The following NEB variants were observed in gnomAD, a reference collection of about 807,000 sequenced individuals.
The protein encoded by NEB is nebulin, also known as nemaline myopathy type 2.
In NEB, 512 loss-of-function variants were observed where a neutral mutation model predicts 952.2. That is an observed-to-expected ratio of 0.54 (90% CI 0.50 to 0.58). NEB has a LOEUF of 0.58. NEB is among the 20% of genes least tolerant of loss of function. The probability of loss-of-function intolerance (pLI) is 0.00; values close to 1 mark genes in which losing one functional copy is unlikely to be tolerated. For missense variants in NEB, 8,428 were observed against 9,231.1 expected (o/e 0.91, Z 3.56); for synonymous variants, 2,900 against 3,149.8 (o/e 0.92, Z 2.66).
chr2:151,548,313 T>C lies in NEB; in HGVS notation c.20152A>G (p.Ser6718Gly), dbSNP rs761015494. Residue 6718 changes from serine (S) to glycine (G), a missense_variant, in exon 131 of 182, where the codon AGC becomes GGC. Around this residue, in one of 11 missense-constraint regions of NEB, gnomAD observed 3,374 missense variants for 3,651.5 expected, o/e 0.92. Transcript: ENST00000397345. ...VHVRRVNNVT[S>G]ERLYRELYHK... ...GAGAATCAGCATTCAGGTACCTCGC[T>C]GGTAACATTGTTGACTCTCCGGACG... 3 of 1,609,816 alleles carry C rather than the reference T, an allele frequency of 1.9e-6. No homozygotes were observed. The highest frequency in any genetic ancestry group is 3.3e-5 in the Admixed American group (2 of 59,974).
At chr2:151,577,075 T>C (rs1475978021) in intron 105 of NEB, among the ~76,000 whole-genome samples, 2 of 152,222 alleles carry the variant, frequency 1.3e-5, no homozygotes, top group East Asian at 3.9e-4. Context: ...CAATGCAGAC[T>C]TTAAAGCAAC....
rs1577636859 is a variant in NEB, at chr2:151,562,143, G to A, written c.18963C>T (p.Leu6321=). The change falls in exon 121 of 182, where the codon CTC becomes CTT. Residue 6321 remains leucine (L), a synonymous_variant. Coordinates refer to ENST00000397345, the MANE Select transcript of NEB (RefSeq NM_001164508.2). ...GCYVWDTPQI[L]HAKKSYDLQS... ...GAAGGTCGTATGATTTCTTGGCATGGAGGATTTGGGGTGTATCCCAAACGT... is the reference window on the plus strand; with the variant it reads ...GAAGGTCGTATGATTTCTTGGCATGAAGGATTTGGGGTGTATCCCAAACGT... 1 of 1,613,594 alleles carries A rather than the reference G, an allele frequency of 6.2e-7. No individual in the cohort carries two copies. The highest frequency in any genetic ancestry group is 8.5e-7 in the Non-Finnish European group (1 of 1,179,592).
intron 107 of NEB, among the ~76,000 whole-genome samples, chr2:151,571,851 T>C (rs1375142580): frequency 1.3e-5 from 2 of 152,238 alleles, no homozygotes; most frequent in Non-Finnish European, 2.9e-5. Flanking sequence ...GGATTTTAAT[T>C]AGTGACAGTT....
intron 71 of NEB, among the ~76,000 whole-genome samples, chr2:151,622,572 TTGTG>T (rs1560562280): frequency 1.3e-5 from 2 of 152,194 alleles, no homozygotes; most frequent in African/African-American, 2.4e-5. Flanking sequence ...CTTTATGTGT[TTGTG>T]TATTTCTTCA....
chr2:151,692,105 T>C lies in NEB; in HGVS notation c.2060A>G (p.Asp687Gly). The change falls in exon 22 of 182, where the codon GAC (aspartate) becomes GGC (glycine). Residue 687 changes from aspartate (D) to glycine (G), a missense_variant. This residue lies in a region of NEB where 2,851 missense variants were observed against 2,791.5 expected (regional missense o/e 1.02). Coordinates refer to ENST00000397345, the MANE Select transcript of NEB (RefSeq NM_001164508.2). ...VLGHYVGSME[D>G]PYHTHCMKVA... ...TTTCATGCAGTGTGTGTGATATGGG[T>C]CCTCCATGCTGCCTACATAATGTCC... is the stretch of plus-strand genomic sequence containing the variant. 1 of 1,614,000 alleles carries C rather than the reference T, an allele frequency of 6.2e-7. No homozygotes were observed. The highest frequency in any genetic ancestry group is 8.5e-7 in the Non-Finnish European group (1 of 1,179,872).
intron 81 of NEB, among the ~76,000 whole-genome samples, chr2:151,608,926 A>AAAG (rs1367413722): frequency 1.0e-4 from 11 of 109,110 alleles, no homozygotes; most frequent in African/African-American, 2.9e-4. Context: ...AAAAAAAAAA[A>AAAG]AAAAAAAGTT....
chr2:151,551,889 C>A, intron 128 of NEB, 44 bp from the exon 129 acceptor site: 1 of 1,398,660 alleles, frequency 7.1e-7, no homozygotes, highest in Non-Finnish European at 1.0e-6. Context: ...AGAATGGGAA[C>A]CCAGGTTCCT....
chr2:151,638,274 T>C (rs1043298684), intron 63 of NEB, among the ~76,000 whole-genome samples: 1 of 152,194 alleles, frequency 6.6e-6, no homozygotes, highest in African/African-American at 2.4e-5. Context: ...ATAGAGGTCA[T>C]ATGTCCAGAA....
chr2:151,532,074 A>G (rs2091461230), intron 143 of NEB, 178 bp from the exon 144 acceptor site: 1 of 551,712 alleles, frequency 1.8e-6, no homozygotes, highest in Admixed American at 3.3e-5. Context: ...GAGTGAGCAG[A>G]TGATACTACT....
At chr2:151,554,853 C>A in intron 125 of NEB, 78 bp downstream of exon 125, 3 of 1,078,348 alleles carry the variant, frequency 2.8e-6, no homozygotes, top group Admixed American at 1.7e-5. Context: ...GATGTTAGCA[C>A]AACAATGAAA....
Position 151,561,026 on chromosome 2 carries a change from T to C in NEB, c.19184A>G (p.Asn6395Ser). Residue 6395 changes from asparagine to serine, a missense_variant, in exon 123 of 182, where the codon AAC (asparagine) becomes AGC (serine). Transcript: ENST00000397345. Reference sequence around the variant, plus strand: ...CACACTGCTGTAAAGATTCTTCAGGTTTCTGGTTCTGTCATAATCCACTGT... The same window carrying C: ...CACACTGCTGTAAAGATTCTTCAGGCTTCTGGTTCTGTCATAATCCACTGT... Reference protein sequence around the residue: ...LETVDYDRTRNLKNLYSSNLY... With the variant: ...LETVDYDRTRSLKNLYSSNLY... The C allele has an allele frequency of 6.2e-7, 1 of 1,607,430 alleles. No individual in the cohort carries two copies. Among genetic ancestry groups the C allele is most frequent in the Non-Finnish European group, 8.5e-7 (1 of 1,175,418 alleles).
intron 4 of NEB, 32 bp downstream of exon 4, chr2:151,729,583 T>A (rs1355883442): frequency 1.7e-5 from 28 of 1,609,818 alleles, no homozygotes; most frequent in Non-Finnish European, 2.4e-5. Context: ...TTAATGAGAA[T>A]GCAGTTTATG....
intron 165 of NEB, among the ~76,000 whole-genome samples, 186 bp downstream of exon 165, chr2:151,505,292 T>C (rs1189099872): frequency 1.3e-5 from 2 of 152,140 alleles, no homozygotes; most frequent in African/African-American, 4.8e-5. Context: ...TACTCCTTGA[T>C]TATGAGAAAA....
Position 151,676,201 on chromosome 2 carries a change from TAATA to T in NEB, c.3775-814_3775-811del, listed in dbSNP as rs781712859. ...GCTAATAGCTAAATTAATCCCCAAA[TAATA>T]AATAATTTCTTCTAGGACCCAAAGA... On this transcript the variant is annotated intron_variant, in intron 34 of 181. Transcript: ENST00000397345. 1.6e-4 allele frequency among the ~76,000 whole-genome samples: 25 copies of T among 152,320 alleles called. No individual in the cohort carries two copies. The East Asian group carries it at 2.5e-3, about 15-fold the overall frequency.
In NEB at chr2:151,581,493, T is replaced by G. The variant is rs1450266887; in HGVS notation, c.16274A>C (p.Gln5425Pro). The change falls in exon 103 of 182, where the codon CAG becomes CCG. Residue 5425 changes from glutamine (Q) to proline (P), a missense_variant. This residue lies in a region of NEB where 40 missense variants were observed against 61.2 expected (regional missense o/e 0.65). Transcript: ENST00000397345. The stretch of plus-strand genomic sequence containing the variant: ...TGTGTGCTGTCTTACATTGCTGATC[T>G]GCAGGGCATTGATTTTGGATTGCAG... ...LMLQSKINAL[Q>P]ISNKRYQQAW... The G allele has an allele frequency of 1.1e-6, 1 of 940,750 alleles. No homozygotes were observed. Among genetic ancestry groups the G allele is most frequent in the Non-Finnish European group, 1.6e-6 (1 of 638,902 alleles). 58.3% of individuals were successfully genotyped at this position (940,750 alleles called of 1,614,324 possible).
In NEB at chr2:151,547,804, CAAG is replaced by C. The variant is rs1029735315; in HGVS notation, c.20158-69_20158-67del. 69 of 1,051,930 alleles carry C rather than the reference CAAG, an allele frequency of 6.6e-5. No homozygotes were observed. In the African/African-American group the frequency reaches 1.0e-3, roughly 15 times the overall value. 65.2% of individuals were successfully genotyped at this position (1,051,930 alleles called of 1,614,324 possible). A position where few individuals can be genotyped will look rare whatever the true frequency, so the allele number is the denominator to read the frequency against. ...ACGACGAGGGCATCTACTGACTAAT[CAAG>C]AATAAAATATTTTACATAAGGAAGA... is the stretch of plus-strand genomic sequence containing the variant. On this transcript the variant is annotated intron_variant, in intron 131 of 181. Transcript: ENST00000397345.
chr2:151,613,620 A>G (rs2098093936), intron 77 of NEB, among the ~76,000 whole-genome samples: 4 of 152,190 alleles, frequency 2.6e-5, no homozygotes, highest in Admixed American at 2.6e-4. Flanking sequence ...CTGCATCTTC[A>G]TCCAGATCTC....
Position 151,507,001 on chromosome 2 carries a change from A to G in NEB, c.23464T>C (p.Cys7822Arg). 1 of 1,594,768 alleles carries G rather than the reference A, an allele frequency of 6.3e-7. No individual in the cohort carries two copies. The highest frequency in any genetic ancestry group is 8.6e-7 in the Non-Finnish European group (1 of 1,163,956). Residue 7822 changes from cysteine (C) to arginine (R), a missense_variant, in exon 163 of 182, where the codon TGT becomes CGT. Physicochemically the swap from Cys to Arg is radical, Grantham distance 180. This residue lies in a region of NEB where 3,374 missense variants were observed against 3,651.5 expected (regional missense o/e 0.92). Transcript: ENST00000397345. ...TTTCCTTTACTGTTTTTAAGGTCAC[A>G]CTGGTATTGGAGCTATGAAGAAAGA... is the stretch of plus-strand genomic sequence containing the variant. Reference protein sequence around the residue: ...QKNFSLLQYQCDLKNSKGKIT... With the variant: ...QKNFSLLQYQRDLKNSKGKIT...
chr2:151,722,879 G>A (rs903549134), intron 9 of NEB, among the ~76,000 whole-genome samples: 3 of 152,114 alleles, frequency 2.0e-5, no homozygotes, highest in Non-Finnish European at 4.4e-5. Flanking sequence ...ACACTAGTCA[G>A]GTCCCACACA....
Sources: allele counts gnomAD v4.1 joint callset (sites outside exome capture counted in the v4.1 genomes callset), GRCh38; gene constraint gnomAD v4.1.1; regional missense constraint gnomAD v4.1.1; transcripts MANE v1.5; gene names NCBI Gene and HGNC (gene_info 2026-07-23, HGNC 2026-07-21).